The following CDH2 variants were observed in gnomAD, a reference collection of about 807,000 sequenced individuals.
CDH2 encodes cadherin-2.
Under a neutral mutation model 92.0 loss-of-function variants are expected in CDH2, and 17 were observed. The ratio of observed to expected loss-of-function variants is 0.18; its 90% CI spans 0.13 to 0.28. CDH2 has a LOEUF of 0.28. CDH2 is among the 10% of genes least tolerant of loss of function. The pLI, the probability that CDH2 is intolerant of heterozygous loss-of-function variation, is 1.00. For synonymous variants in CDH2, 419 were observed against 415.9 expected (o/e 1.01, Z -0.09); for missense variants, 862 against 1,133.1 (o/e 0.76, Z 3.44).
intron 2 of CDH2, among the ~76,000 whole-genome samples, chr18:28,109,353 C>T (rs1737460740): frequency 2.0e-5 from 3 of 152,136 alleles, no homozygotes. Context: ...ATGAAATGCC[C>T]TCCAATTTTA....
At chr18:27,966,232 G>A (rs2011532049) in intron 14 of CDH2, among the ~76,000 whole-genome samples, 1 of 152,044 alleles carries the variant, frequency 6.6e-6, no homozygotes, top group Non-Finnish European at 1.5e-5. Context: ...CCCTAAGGGT[G>A]AAAAATGTTT....
In CDH2 at chr18:27,978,251, CA is replaced by C. The variant is rs542532947; in HGVS notation, c.2349+4692del. On this transcript the variant is annotated intron_variant, in intron 14 of 15. Transcript: ENST00000269141. The stretch of plus-strand genomic sequence containing the variant: ...ACAGAATCCACCAAAAATCTAAAAA[CA>C]AACAAACTTTGCAGAATATAGTCAG... Among the ~76,000 whole-genome samples the C allele has an allele frequency of 1.6e-4, 12 of 75,038 alleles. No homozygotes were observed. In the South Asian group the frequency reaches 3.6e-3, roughly 22 times the overall value. 49.2% of individuals were successfully genotyped at this position (75,038 alleles called of 152,430 possible). A position where few individuals can be genotyped will look rare whatever the true frequency, so the allele number is the denominator to read the frequency against.
chr18:28,018,543 T>C lies in CDH2; in HGVS notation c.173-4634A>G, dbSNP rs76419292. 4.6e-3 allele frequency among the ~76,000 whole-genome samples: 703 copies of C among 152,048 alleles called. 4 individuals carry two copies. Among genetic ancestry groups the C allele is most frequent in the African/African-American group, 0.016 (661 of 41,494 alleles). ...AGCATGACTGGTATTAAAATAGGCA[T>C]ATAGACCAATGGAACAGAAATGTAT... On this transcript the variant is annotated intron_variant, in intron 2 of 15. Coordinates refer to ENST00000269141, the MANE Select transcript of CDH2 (RefSeq NM_001792.5).
chr18:28,134,494 A>G (rs1169324773), intron 2 of CDH2, among the ~76,000 whole-genome samples: 2 of 152,192 alleles, frequency 1.3e-5, no homozygotes, highest in Non-Finnish European at 2.9e-5. Flanking sequence ...AAGATTGCTC[A>G]GCTCAGGAGT....
intron 1 of CDH2, among the ~76,000 whole-genome samples, chr18:28,172,348 T>C (rs1053497949): frequency 2.0e-5 from 3 of 152,180 alleles, no homozygotes; most frequent in Non-Finnish European, 4.4e-5. Flanking sequence ...ACTTCATACA[T>C]GCAGAAGATA....
At chr18:28,058,451 G>A (rs1172648522) in intron 2 of CDH2, among the ~76,000 whole-genome samples, 1 of 152,150 alleles carries the variant, frequency 6.6e-6, no homozygotes, top group Admixed American at 6.5e-5. Flanking sequence ...GCCCCTCCAG[G>A]CTCACGCAAC....
At chr18:28,173,966 C>G (rs1279056290) in intron 1 of CDH2, among the ~76,000 whole-genome samples, 1 of 151,962 alleles carries the variant, frequency 6.6e-6, no homozygotes, top group Non-Finnish European at 1.5e-5. Context: ...ATAAAAAAGG[C>G]TAACATCTTA....
chr18:28,016,892 T>C (rs2013264201), intron 2 of CDH2, among the ~76,000 whole-genome samples: 1 of 152,192 alleles, frequency 6.6e-6, no homozygotes, highest in Admixed American at 6.5e-5. Context: ...TTATTTTTTG[T>C]TTTTAATTCT....
At chr18:28,025,308 A>T (rs2144068329) in intron 2 of CDH2, among the ~76,000 whole-genome samples, 1 of 152,210 alleles carries the variant, frequency 6.6e-6, no homozygotes, top group Middle Eastern at 3.4e-3. Context: ...GCCTAAACTC[A>T]GGAGTTCGAG....
At chr18:28,056,877 T>C (rs892562386) in intron 2 of CDH2, among the ~76,000 whole-genome samples, 1 of 152,238 alleles carries the variant, frequency 6.6e-6, no homozygotes, top group Admixed American at 6.5e-5. Flanking sequence ...ATTCTAAACC[T>C]TGAATTATAT....
chr18:27,990,051 T>C (rs956956976), intron 10 of CDH2, 46 bp downstream of exon 10: 22 of 1,571,492 alleles, frequency 1.4e-5, no homozygotes, highest in Non-Finnish European at 1.9e-5. Flanking sequence ...ATGCACAGCA[T>C]AGAACATAAG....
At chr18:28,087,612 T>C (rs1343596344) in intron 2 of CDH2, among the ~76,000 whole-genome samples, 1 of 152,104 alleles carries the variant, frequency 6.6e-6, no homozygotes, top group Non-Finnish European at 1.5e-5. Context: ...AACCCTTGTC[T>C]CCACACTTCA....
chr18:28,136,784 C>G (rs17536479), intron 2 of CDH2, among the ~76,000 whole-genome samples: 1 of 152,060 alleles, frequency 6.6e-6, no homozygotes, highest in African/African-American at 2.4e-5. Context: ...TGGAAATACA[C>G]GCTAAGACCA....
chr18:28,094,384 A>G (rs1480433091), intron 2 of CDH2, among the ~76,000 whole-genome samples: 1 of 152,114 alleles, frequency 6.6e-6, no homozygotes, highest in Admixed American at 6.5e-5. Context: ...GCTACTACAG[A>G]GGCTGAGGCA....
chr18:27,999,097 G>C (rs1321722239), intron 7 of CDH2, among the ~76,000 whole-genome samples: 1 of 152,222 alleles, frequency 6.6e-6, no homozygotes, highest in Non-Finnish European at 1.5e-5. Context: ...CTGGCTCTCA[G>C]AGGGTAAGGA....
chr18:28,101,380 C>T, intron 2 of CDH2, among the ~76,000 whole-genome samples: 1 of 152,138 alleles, frequency 6.6e-6, no homozygotes, highest in Admixed American at 6.6e-5. Context: ...ACTCTCCTGA[C>T]TAAACACAAC....
chr18:28,129,861 G>T (rs1258037909), intron 2 of CDH2, among the ~76,000 whole-genome samples: 3 of 152,108 alleles, frequency 2.0e-5, no homozygotes, highest in East Asian at 1.9e-4. Context: ...CTATGTCCCA[G>T]TAAACATAAT....
At chr18:27,968,018 T>C (rs2011571585) in intron 14 of CDH2, among the ~76,000 whole-genome samples, 1 of 152,178 alleles carries the variant, frequency 6.6e-6, no homozygotes, top group Non-Finnish European at 1.5e-5. Flanking sequence ...ATGCAAACAC[T>C]CACTCATTTA....
intron 2 of CDH2, among the ~76,000 whole-genome samples, chr18:28,026,670 G>A (rs1355595605): frequency 6.6e-6 from 1 of 152,162 alleles, no homozygotes; most frequent in Non-Finnish European, 1.5e-5. Flanking sequence ...TGTCAGCCAT[G>A]TATGTTATTT....
Sources: allele counts gnomAD v4.1 joint callset (sites outside exome capture counted in the v4.1 genomes callset), GRCh38; gene constraint gnomAD v4.1.1; transcripts MANE v1.5; gene names NCBI Gene and HGNC (gene_info 2026-07-23, HGNC 2026-07-21).